The following TBC1D14 variants were observed in gnomAD, a reference collection of about 807,000 sequenced individuals.
TBC1D14 encodes the protein TBC1 domain family, member 14.
In TBC1D14, 26 loss-of-function variants were observed where a neutral mutation model predicts 79.0. That is an observed-to-expected ratio of 0.33 (90% CI 0.24 to 0.46). The LOEUF (loss-of-function observed/expected upper bound fraction) is 0.46, where lower values mean the gene tolerates loss of function less well. Among genes scored for constraint, TBC1D14 ranks in the 20% least tolerant of loss-of-function variants. The pLI is 1.00. For synonymous variants in TBC1D14, 394 were observed against 349.9 expected, an observed-to-expected ratio of 1.13 and a Z score of -1.40; for missense variants, 769 against 887.6, an observed-to-expected ratio of 0.87 and a Z score of 1.70.
intron 3 of TBC1D14, among the ~76,000 whole-genome samples, chr4:6,984,767 C>T (rs944602654): frequency 6.6e-6 from 1 of 152,250 alleles, no homozygotes; most frequent in African/African-American, 2.4e-5. Context: ...TGAGCACCTT[C>T]TCTCTGGTAT....
At chr4:6,944,295 C>T (rs1419713020) in intron 2 of TBC1D14, among the ~76,000 whole-genome samples, 2 of 152,086 alleles carry the variant, frequency 1.3e-5, no homozygotes, top group South Asian at 2.1e-4. Context: ...AAAACGTGTT[C>T]GTATGCTTAT....
At chr4:6,919,241 G>A (rs1189464111) in intron 1 of TBC1D14, among the ~76,000 whole-genome samples, 1 of 152,010 alleles carries the variant, frequency 6.6e-6, no homozygotes, top group East Asian at 1.9e-4. Context: ...CCACCTCCCG[G>A]GTTCAAGCTA....
At chr4:6,951,919 G>T (rs1007284893) in intron 2 of TBC1D14, among the ~76,000 whole-genome samples, 3 of 152,148 alleles carry the variant, frequency 2.0e-5, no homozygotes, top group African/African-American at 7.2e-5. Context: ...AGGATTTGGA[G>T]AGGCATGGGA....
Position 6,959,793 on chromosome 4 carries a change from C to T in TBC1D14, c.723-7511C>T, listed in dbSNP as rs77589287. ...TCTTCTTTGGCCTTTTGCTTGCTGTCACTTCCTACCTAATGCAACAGGAGT... is the reference window on the plus strand; with the variant it reads ...TCTTCTTTGGCCTTTTGCTTGCTGTTACTTCCTACCTAATGCAACAGGAGT... On this transcript the variant is annotated intron_variant, in intron 2 of 13. Transcript: ENST00000409757. 3.3e-3 allele frequency among the ~76,000 whole-genome samples: 497 copies of T among 152,308 alleles called. 4 individuals are homozygous for T. Among genetic ancestry groups the T allele is most frequent in the Non-Finnish European group, 5.2e-3 (352 of 68,038 alleles).
At chr4:6,948,054 G>A (rs544169860) in intron 2 of TBC1D14, among the ~76,000 whole-genome samples, 4 of 152,306 alleles carry the variant, frequency 2.6e-5, no homozygotes, top group Admixed American at 2.0e-4. Context: ...GAGGGACTGC[G>A]TGGGGAGGGG....
chr4:6,962,282 G>A (rs1715292746), intron 2 of TBC1D14, among the ~76,000 whole-genome samples: 1 of 152,170 alleles, frequency 6.6e-6, no homozygotes, highest in Admixed American at 6.5e-5. Flanking sequence ...CAGGACTCAT[G>A]AGCTAGAGTC....
chr4:7,025,274 T>C lies in TBC1D14; in HGVS notation c.2016+12T>C, dbSNP rs762988897. ...AGAAGTGGGCTCAGGTCAGCGGGCTTTGTGTTCTTGGCTTCCCACAGCGTA... is the reference window on the plus strand; with the variant it reads ...AGAAGTGGGCTCAGGTCAGCGGGCTCTGTGTTCTTGGCTTCCCACAGCGTA... On this transcript the variant is annotated intron_variant, in intron 13 of 13. Coordinates refer to ENST00000409757, the MANE Select transcript of TBC1D14 (RefSeq NM_020773.3). The C allele has an allele frequency of 6.2e-7, 1 of 1,613,930 alleles. No homozygotes were observed. The highest frequency in any genetic ancestry group is 1.1e-5 in the South Asian group (1 of 91,074).
rs141105351 is a variant in TBC1D14 at position 6,986,248 on chromosome 4, C to A, written c.844-7936C>A. 2.8e-3 allele frequency among the ~76,000 whole-genome samples: 427 copies of A among 152,306 alleles called. 9 individuals are homozygous for A. The highest frequency in any genetic ancestry group is 5.7e-4 in the Non-Finnish European group (39 of 68,040). On this transcript the variant is annotated intron_variant, in intron 3 of 13. Transcript: ENST00000409757. Reference sequence around the variant, plus strand: ...TTTTCATGGCCATTTCCCTGCTGCTCATGCATCCGCGGTTGGTGGACGTTC... The same window carrying A: ...TTTTCATGGCCATTTCCCTGCTGCTAATGCATCCGCGGTTGGTGGACGTTC...
intron 2 of TBC1D14, among the ~76,000 whole-genome samples, chr4:6,929,785 A>G (rs1419883910): frequency 6.6e-6 from 1 of 152,192 alleles, no homozygotes; most frequent in Admixed American, 6.5e-5. Flanking sequence ...TGTTAGCTGG[A>G]TAGAGTTGAG....
At chr4:6,970,713 C>T (rs1400503949) in intron 3 of TBC1D14, among the ~76,000 whole-genome samples, 101 of 103,702 alleles carry the variant, frequency 9.7e-4, no homozygotes, top group Middle Eastern at 0.019. Flanking sequence ...TCAAGGAGCC[C>T]GTGGCTGAGC....
rs1322245463 is a variant in TBC1D14 at position 7,025,194 on chromosome 4, C to T, written c.1948C>T (p.Pro650Ser). 1 of 1,614,224 alleles carries T rather than the reference C, an allele frequency of 6.2e-7. No individual in the cohort carries two copies. Among genetic ancestry groups the T allele is most frequent in the Non-Finnish European group, 8.5e-7 (1 of 1,180,038 alleles). Residue 650 changes from proline (P) to serine (S), a missense_variant, in exon 13 of 14, where the codon CCC (proline) becomes TCC (serine). Pro to Ser is a moderately conservative substitution (Grantham distance 74). Transcript: ENST00000409757. ...CCTGACCCGGCTGCCCGAGGACCTG[C>T]CCGCCGAGGAGCTGTTTGCCTCCAT... ...QFLTRLPEDL[P>S]AEELFASIAT...
chr4:7,014,376 A>C, intron 11 of TBC1D14, 72 bp from the exon 12 acceptor site: 1 of 935,638 alleles, frequency 1.1e-6, no homozygotes, highest in South Asian at 1.4e-5. Context: ...AAAGATATAC[A>C]TATATTGACT....
In TBC1D14 at chr4:6,976,741, G is replaced by A. The variant is rs1577108694; in HGVS notation, c.843+9317G>A. On this transcript the variant is annotated intron_variant, in intron 3 of 13. Coordinates refer to ENST00000409757, the MANE Select transcript of TBC1D14 (RefSeq NM_020773.3). ...GGGGAGCAGAAATTGTCAGGATCTG[G>A]ATAAATACAGTAGACTATTTTCCTT... Among the ~76,000 whole-genome samples the A allele has an allele frequency of 3.9e-5, 6 of 152,260 alleles. No individual in the cohort carries two copies. In the South Asian group the frequency reaches 1.2e-3, roughly 32 times the overall value.
intron 9 of TBC1D14, among the ~76,000 whole-genome samples, chr4:7,008,369 G>T (rs1428005229): frequency 6.6e-6 from 1 of 152,232 alleles, no homozygotes; most frequent in East Asian, 1.9e-4. Context: ...GAACAGTTGA[G>T]GGGGAGAGTG....
At chr4:7,009,996 A>G (rs928442008) in intron 10 of TBC1D14, 48 bp downstream of exon 10, 1 of 1,602,884 alleles carries the variant, frequency 6.2e-7, no homozygotes, top group Non-Finnish European at 8.5e-7. Context: ...CTAAAAAGAA[A>G]GTCAGATATT....
At chr4:7,024,906 C>A in intron 12 of TBC1D14, 98 bp from the exon 13 acceptor site, 1 of 1,527,272 alleles carries the variant, frequency 6.5e-7, no homozygotes, top group Non-Finnish European at 8.9e-7. Flanking sequence ...CTGAAAGTGA[C>A]TAGGGGAGTG....
chr4:6,938,874 G>A (rs1293932013), intron 2 of TBC1D14, among the ~76,000 whole-genome samples: 2 of 152,200 alleles, frequency 1.3e-5, no homozygotes, highest in Admixed American at 6.5e-5. Flanking sequence ...AGGTCATTGG[G>A]TTCCTCCCCT....
intron 1 of TBC1D14, among the ~76,000 whole-genome samples, chr4:6,912,982 T>C (rs983120332): frequency 2.6e-5 from 4 of 152,204 alleles, no homozygotes; most frequent in Non-Finnish European, 5.9e-5. Context: ...GTTTTTTGTT[T>C]TGTTCTGTTC....
At position 7,006,263 on chromosome 4, in the gene TBC1D14, G is replaced by A. The variant is rs187039251; in HGVS notation, c.1352-369G>A. Reference sequence around the variant, plus strand: ...GTTTACACTGAAGATGTTTGAGATCGAGCAGTGATATATGTGTGTGTGTGT... The same window carrying A: ...GTTTACACTGAAGATGTTTGAGATCAAGCAGTGATATATGTGTGTGTGTGT... On this transcript the variant is annotated intron_variant, in intron 8 of 13. Transcript: ENST00000409757. 2.6e-3 allele frequency among the ~76,000 whole-genome samples: 392 copies of A among 150,334 alleles called. 2 individuals carry two copies. Among genetic ancestry groups the A allele is most frequent in the African/African-American group, 8.3e-3 (331 of 39,674 alleles).
Sources: allele counts gnomAD v4.1 joint callset (sites outside exome capture counted in the v4.1 genomes callset), GRCh38; gene constraint gnomAD v4.1.1; transcripts MANE v1.5; gene names NCBI Gene and HGNC (gene_info 2026-07-23, HGNC 2026-07-21).